The following FANCI variants were observed in gnomAD, a reference collection of about 807,000 sequenced individuals.
FANCI encodes the protein FA complementation group I, also known as Fanconi anemia group I protein.
FANCI carries 156 observed loss-of-function variants against 176.1 expected under a neutral mutation model. The ratio of observed to expected loss-of-function variants is 0.89; its 90% CI spans 0.78 to 1.01. The LOEUF (loss-of-function observed/expected upper bound fraction) is 1.01, where lower values mean the gene tolerates loss of function less well. FANCI is among the 50% of genes least tolerant of loss of function. FANCI has a pLI of 0.00. For missense variants in FANCI, 1,678 were observed against 1,534.1 expected (o/e 1.09, Z -1.57); for synonymous variants, 613 against 541.7 (o/e 1.13, Z -1.83).
At chr15:89,259,061 T>C (rs1357323702) in intron 3 of FANCI, 6 of 406,374 alleles carry the variant, frequency 1.5e-5, no homozygotes, top group Non-Finnish European at 2.8e-5. Context: ...CTTTTAAGAT[T>C]GTGGAGAAGA....
intron 18 of FANCI, among the ~76,000 whole-genome samples, chr15:89,289,109 C>A (rs1309101441): frequency 6.6e-6 from 1 of 151,434 alleles, no homozygotes; most frequent in African/African-American, 2.4e-5. Flanking sequence ...CCCAAGCTAA[C>A]CATTTGTTCA....
rs922772413 is a variant in FANCI, at chr15:89,306,015, T to C, written c.3358T>C (p.Ser1120Pro). ...ATTTTATTTCCCTTTAGAAGAGGCCTCTTCTCAGGCAACCCTACCAAATCA... is the reference window on the plus strand; with the variant it reads ...ATTTTATTTCCCTTTAGAAGAGGCCCCTTCTCAGGCAACCCTACCAAATCA... ...VSQETLSEEA[S>P]SQATLPNQPV... The change falls in exon 32 of 38, where the codon TCT (serine) becomes CCT (proline). Residue 1120 changes from serine to proline, a missense_variant. By Grantham distance (74) the Ser-to-Pro change is moderately conservative. Around this residue, in one of 3 missense-constraint regions of FANCI, gnomAD observed 1,204 missense variants for 1,077.4 expected, o/e 1.12. Transcript: ENST00000310775. 6.2e-7 allele frequency: 1 copy of C among 1,614,214 alleles called. No homozygotes were observed. Among genetic ancestry groups the C allele is most frequent in the East Asian group, 2.2e-5 (1 of 44,884 alleles).
intron 28 of FANCI, 56 bp from the exon 29 acceptor site, chr15:89,305,059 A>G: frequency 6.2e-7 from 1 of 1,605,322 alleles, no homozygotes; most frequent in Non-Finnish European, 8.5e-7. Flanking sequence ...TACAGGCGTG[A>G]GCCACTGCAC....
At chr15:89,247,297 A>AT (rs1394105710) in intron 1 of FANCI, among the ~76,000 whole-genome samples, 1 of 152,186 alleles carries the variant, frequency 6.6e-6, no homozygotes, top group Non-Finnish European at 1.5e-5. Flanking sequence ...CATACTTGAT[A>AT]TGCTGTTAAA....
chr15:89,306,706 T>TA (rs1461511415), intron 32 of FANCI, among the ~76,000 whole-genome samples: 2 of 151,930 alleles, frequency 1.3e-5, no homozygotes, highest in Non-Finnish European at 2.9e-5. Context: ...ATTAAAAAAA[T>TA]AAAGTAAAAA....
In FANCI at chr15:89,312,938, A is replaced by G; in HGVS notation, c.3686A>G (p.Lys1229Arg). 1 of 1,614,058 alleles carries G rather than the reference A, an allele frequency of 6.2e-7. No individual in the cohort carries two copies. The highest frequency in any genetic ancestry group is 8.5e-7 in the Non-Finnish European group (1 of 1,179,994). ...AAGAGCCTGAACTATACGGGAGAGAAAAAGGAGAAACCTGCTGCCGTTGCC... is the reference window on the plus strand; with the variant it reads ...AAGAGCCTGAACTATACGGGAGAGAGAAAGGAGAAACCTGCTGCCGTTGCC... ...KSKSLNYTGEKKEKPAAVATA... is the reference protein window; with the variant it reads ...KSKSLNYTGERKEKPAAVATA... Residue 1229 changes from lysine to arginine, a missense_variant, in exon 35 of 38, where the codon AAA becomes AGA. By Grantham distance (26) the Lys-to-Arg change is conservative. Coordinates refer to ENST00000310775, the MANE Select transcript of FANCI (RefSeq NM_001113378.2).
At chr15:89,304,472 G>C (rs912725636) in intron 28 of FANCI, among the ~76,000 whole-genome samples, 2 of 152,234 alleles carry the variant, frequency 1.3e-5, no homozygotes, top group Non-Finnish European at 2.9e-5. Flanking sequence ...ATTTATCTGT[G>C]ATGTTAGAAG....
intron 1 of FANCI, chr15:89,245,177 C>CTT (rs71149284): frequency 0.32 from 43,529 of 137,692 alleles, 7,707 homozygotes; most frequent in South Asian, 0.39. Flanking sequence ...CTTTTCTTTT[C>CTT]TTTTTTTTTT....
chr15:89,249,374 G>A (rs1425719556), intron 2 of FANCI, among the ~76,000 whole-genome samples: 1 of 152,008 alleles, frequency 6.6e-6, no homozygotes, highest in African/African-American at 2.4e-5. Context: ...TTTAAAGGTG[G>A]GATCTCACCC....
chr15:89,282,133 A>G (rs1159664837), intron 16 of FANCI: 1 of 390,348 alleles, frequency 2.6e-6, no homozygotes, highest in Non-Finnish European at 4.9e-6. Context: ...GTGGTGGAGC[A>G]AGGATTCAAA....
chr15:89,265,108 T>A (rs28573320), intron 9 of FANCI, among the ~76,000 whole-genome samples: 56,547 of 152,064 alleles, frequency 0.37, 10,686 homozygotes, highest in Non-Finnish European at 0.39. Context: ...ATAAGATCCA[T>A]AATATATAGA....
chr15:89,295,141 G>A, intron 24 of FANCI, 47 bp downstream of exon 24: 1 of 1,523,736 alleles, frequency 6.6e-7, no homozygotes, highest in Non-Finnish European at 8.8e-7. Context: ...TGGCTGTGGT[G>A]TCTCCAAGAG....
chr15:89,298,078 GAAAAC>G (rs1346178854), intron 24 of FANCI, among the ~76,000 whole-genome samples: 12 of 151,800 alleles, frequency 7.9e-5, no homozygotes, highest in African/African-American at 2.7e-4. Flanking sequence ...TCAAAAAACA[GAAAAC>G]AAAACAAAAA....
At chr15:89,281,349 T>G (rs898187381) in intron 15 of FANCI, 49 bp downstream of exon 15, 2 of 1,606,092 alleles carry the variant, frequency 1.2e-6, no homozygotes, top group Admixed American at 1.7e-5. Context: ...GGTTTAACTG[T>G]CTAGTGGAAG....
intron 2 of FANCI, among the ~76,000 whole-genome samples, chr15:89,250,936 TAAAC>T (rs1041476968): frequency 2.0e-5 from 3 of 148,796 alleles, no homozygotes; most frequent in African/African-American, 7.4e-5. Context: ...AAAGAGAAAG[TAAAC>T]AACAACAAAA....
Position 89,292,948 on chromosome 15 carries a change from TCAG to T in FANCI, c.2180_2182del (p.Ala727del). On this transcript the variant is annotated inframe_deletion, in exon 22 of 38. Transcript: ENST00000310775. ...TTTATCTTGTGTCTTTTAGGATAAA[TCAG>T]CAGATTTTTCTCAGAGCACCAGTAT... 6.2e-7 allele frequency: 1 copy of T among 1,614,126 alleles called. No homozygotes were observed. Among genetic ancestry groups the T allele is most frequent in the Non-Finnish European group, 8.5e-7 (1 of 1,180,002 alleles).
Position 89,317,008 on chromosome 15 carries a change from G to C in FANCI, c.*549G>C, listed in dbSNP as rs2055291035. 1 of 623,726 alleles carries C rather than the reference G, an allele frequency of 1.6e-6. No homozygotes were observed. The highest frequency in any genetic ancestry group is 2.9e-5 in the Admixed American group (1 of 34,854). 38.6% of individuals were successfully genotyped at this position (623,726 alleles called of 1,614,324 possible). A position where few individuals can be genotyped will look rare whatever the true frequency, so the allele number is the denominator to read the frequency against. On this transcript the variant is annotated 3_prime_UTR_variant, in exon 38 of 38. Coordinates refer to ENST00000310775, the MANE Select transcript of FANCI (RefSeq NM_001113378.2). ...TTTCTTTTTATATAAGTGTGTCTTA[G>C]ATATATTTTAAATAGAAAATAAGCT...
intron 6 of FANCI, 72 bp from the exon 7 acceptor site, chr15:89,263,347 T>G (rs2052796790): frequency 7.7e-7 from 1 of 1,295,374 alleles, no homozygotes; most frequent in Admixed American, 1.7e-5. Flanking sequence ...TGTTTTTTTG[T>G]CCTCATTAAT....
intron 12 of FANCI, among the ~76,000 whole-genome samples, chr15:89,275,058 C>G (rs1476153143): frequency 6.6e-6 from 1 of 151,342 alleles, no homozygotes; most frequent in African/African-American, 2.4e-5. Flanking sequence ...AGGCATGTAG[C>G]CCTGTGCCTG....
Sources: gnomAD v4.1 joint callset for allele counts (sites outside exome capture counted in the v4.1 genomes callset) on GRCh38, gnomAD v4.1.1 for gene constraint, gnomAD v4.1.1 regional missense constraint, MANE v1.5 for transcripts, NCBI Gene and HGNC (gene_info 2026-07-23, HGNC 2026-07-21) for gene names.